SLC45A1: variants seen among roughly 807,000 people sequenced by gnomAD.
The protein encoded by SLC45A1 is proton-associated sugar transporter A.
A neutral mutation model predicts 57.6 loss-of-function variants in SLC45A1; 28 were observed. That is an observed-to-expected ratio of 0.49 (90% confidence interval 0.36 to 0.67). The LOEUF is 0.67. Among genes scored for constraint, SLC45A1 ranks in the 30% least tolerant of loss-of-function variants. The pLI, the probability that SLC45A1 is intolerant of heterozygous loss-of-function variation, is 0.00. For synonymous variants in SLC45A1, 459 were observed against 471.5 expected (o/e 0.97, Z 0.34); for missense variants, 814 against 1,041.5 (o/e 0.78, Z 3.01).
intron 8 of SLC45A1, among the ~76,000 whole-genome samples, chr1:8,342,422 C>G (rs1350554191): frequency 6.6e-6 from 1 of 152,182 alleles, no homozygotes. Flanking sequence ...CAGCCATCAC[C>G]CCTCTGACCC....
intron 1 of SLC45A1, among the ~76,000 whole-genome samples, chr1:8,321,617 G>A (rs1018632936): frequency 6.6e-6 from 1 of 152,166 alleles, no homozygotes; most frequent in Admixed American, 6.6e-5. Flanking sequence ...TTGGTACTCA[G>A]TACTCAGATG....
Position 8,324,484 on chromosome 1 carries a change from G to A in SLC45A1, c.155G>A (p.Arg52Lys), listed in dbSNP as rs748689313. The A allele has an allele frequency of 2.5e-6, 4 of 1,612,622 alleles. No individual in the cohort carries two copies. Among genetic ancestry groups the A allele is most frequent in the Non-Finnish European group, 3.4e-6 (4 of 1,179,874 alleles). ...AACAACTTCAAACGACACCCCAAGA[G>A]GAGGAAGTGCATTCGTCCCTCCCCA... Reference protein sequence around the residue: ...RANNFKRHPKRRKCIRPSPPP... With the variant: ...RANNFKRHPKKRKCIRPSPPP... Residue 52 changes from arginine (R) to lysine (K), a missense_variant, in exon 2 of 9, where the codon AGG becomes AAG. By Grantham distance (26) the Arg-to-Lys change is conservative (BLOSUM62 2). Transcript: ENST00000471889.
intron 8 of SLC45A1, 143 bp downstream of exon 8, chr1:8,339,841 G>C (rs991789899): frequency 1.3e-6 from 1 of 799,900 alleles, no homozygotes; most frequent in African/African-American, 1.7e-5. Flanking sequence ...AACCAAGGGG[G>C]GCCCTTCTGA....
rs147838960 is a variant in SLC45A1, at chr1:8,343,300, C to T, written c.1981-447C>T. ...AGTGACGTGCCCAAGCTGGAGGCCACGAGGACCTTGGAGCCTCGGACAGAG... is the reference window on the plus strand; with the variant it reads ...AGTGACGTGCCCAAGCTGGAGGCCATGAGGACCTTGGAGCCTCGGACAGAG... On this transcript the variant is annotated intron_variant, in intron 8 of 8. Coordinates refer to ENST00000471889, the MANE Select transcript of SLC45A1 (RefSeq NM_001080397.3). The surrounding 1 kb of genome is among the most constrained non-coding windows in gnomAD (Gnocchi z 7.7). 2.0e-3 allele frequency among the ~76,000 whole-genome samples: 306 copies of T among 152,322 alleles called. No homozygotes were observed. The highest frequency in any genetic ancestry group is 7.0e-3 in the African/African-American group (293 of 41,570).
chr1:8,329,059 T>A (rs961089595), intron 4 of SLC45A1, among the ~76,000 whole-genome samples: 2 of 151,918 alleles, frequency 1.3e-5, no homozygotes, highest in Admixed American at 1.3e-4. Flanking sequence ...GACTGGAGCT[T>A]TTGAATGGAC....
At chr1:8,322,445 T>G (rs1366217642) in intron 1 of SLC45A1, among the ~76,000 whole-genome samples, 1 of 151,508 alleles carries the variant, frequency 6.6e-6, no homozygotes, top group Non-Finnish European at 1.5e-5. Context: ...AATGAGTCAT[T>G]GGATTAACAC....
At chr1:8,322,005 G>GAGTGGGT (rs2124284990) in intron 1 of SLC45A1, among the ~76,000 whole-genome samples, 1 of 56,038 alleles carries the variant, frequency 1.8e-5, no homozygotes, top group Non-Finnish European at 3.8e-5. Flanking sequence ...ATGGATGGAT[G>GAGTGGGT]GATGGATGGA....
chr1:8,318,139 A>T lies in SLC45A1; in HGVS notation c.-72A>T. 1 of 462,730 alleles carries T rather than the reference A, an allele frequency of 2.2e-6. No individual in the cohort carries two copies. The highest frequency in any genetic ancestry group is 3.9e-6 in the Non-Finnish European group (1 of 254,032). 28.7% of individuals were successfully genotyped at this position (462,730 alleles called of 1,614,324 possible). On this transcript the variant is annotated 5_prime_UTR_variant, in exon 1 of 9. Coordinates refer to ENST00000471889, the MANE Select transcript of SLC45A1 (RefSeq NM_001080397.3). ...GCAGCAGCCGGGACCGCGGCCGGGC[A>T]GGCAGCAGCCCAGCGGGGACAGGGA...
In SLC45A1 at chr1:8,343,099, G is replaced by C. The variant is rs1299569495; in HGVS notation, c.1981-648G>C. Among the ~76,000 whole-genome samples the C allele has an allele frequency of 1.3e-5, 2 of 152,188 alleles. No individual in the cohort carries two copies. The highest frequency in any genetic ancestry group is 2.9e-5 in the Non-Finnish European group (2 of 68,016). On this transcript the variant is annotated intron_variant, in intron 8 of 8. Transcript: ENST00000471889. This position sits in a 1 kb window ranked among gnomAD's most constrained non-coding sequence, Gnocchi z 7.7. ...GCCCTTCTGATGGGGGGAAGCCGCA[G>C]GGGAGGCCCAGGCTCCCAGGTCACA...
rs193042745 is a variant in SLC45A1 at position 8,340,216 on chromosome 1, G to A, written c.1980+518G>A. Among the ~76,000 whole-genome samples, 113 of 148,620 alleles carry A rather than the reference G, an allele frequency of 7.6e-4. 1 individual carries two copies. The East Asian group carries it at 0.021, about 27-fold the overall frequency. On this transcript the variant is annotated intron_variant, in intron 8 of 8. Transcript: ENST00000471889. ...CTTGCTCTGATGCCTGTGCTGGAGT[G>A]TAGTGGTGCGATCTCGGCTCACTGC...
intron 7 of SLC45A1, 121 bp downstream of exon 7, chr1:8,338,113 C>T (rs930157430): frequency 8.7e-5 from 80 of 914,940 alleles, no homozygotes; most frequent in Admixed American, 1.8e-4. Flanking sequence ...ATTTGGGGGA[C>T]GCCACTGTCT....
chr1:8,342,909 A>AAG (rs1557571553), intron 8 of SLC45A1, among the ~76,000 whole-genome samples: 2 of 151,322 alleles, frequency 1.3e-5, no homozygotes. Context: ...AAAAAAAAAA[A>AAG]AAAGAAAAGA....
rs1569934839 is a variant in SLC45A1 at position 8,325,431 on chromosome 1, A to T, written c.490+41A>T. The stretch of plus-strand genomic sequence containing the variant: ...ATGGAAATAAAATGGAGAGGAAAAA[A>T]AAAAGGCCCCAACTGCTTCCTTTTA... On this transcript the variant is annotated intron_variant, in intron 3 of 8. Transcript: ENST00000471889. The surrounding 1 kb of genome is among the most constrained non-coding windows in gnomAD (Gnocchi z 6.3). 1 of 1,412,180 alleles carries T rather than the reference A, an allele frequency of 7.1e-7. No individual in the cohort carries two copies. Among genetic ancestry groups the T allele is most frequent in the South Asian group, 1.2e-5 (1 of 83,364 alleles). The allele number at this position is 1,412,180 out of a possible 1,614,324, so 87.5% of individuals were successfully genotyped here.
intron 7 of SLC45A1, among the ~76,000 whole-genome samples, chr1:8,338,600 T>C (rs919245911): frequency 1.3e-5 from 2 of 152,236 alleles, no homozygotes; most frequent in Non-Finnish European, 2.9e-5. Context: ...AGAGTTGGTA[T>C]TTCCGGCTTT....
At chr1:8,333,177 C>T (rs1317711317) in intron 5 of SLC45A1, among the ~76,000 whole-genome samples, 3 of 152,062 alleles carry the variant, frequency 2.0e-5, no homozygotes, top group Non-Finnish European at 4.4e-5. Flanking sequence ...TAGATGACTT[C>T]CCTGATTTAG....
At chr1:8,321,915 ATGGATGG>A (rs1640018929) in intron 1 of SLC45A1, among the ~76,000 whole-genome samples, 1 of 124,456 alleles carries the variant, frequency 8.0e-6, no homozygotes, top group Non-Finnish European at 1.7e-5. Flanking sequence ...GGATGGATGG[ATGGATGG>A]GTGGGTGGGT....
rs767300496 is a variant in SLC45A1 at position 8,324,651 on chromosome 1, G to A, written c.322G>A (p.Val108Met). Residue 108 changes from valine to methionine, a missense_variant, in exon 2 of 9, where the codon GTG (valine) becomes ATG (methionine). Val to Met is a conservative substitution (Grantham distance 21). Coordinates refer to ENST00000471889, the MANE Select transcript of SLC45A1 (RefSeq NM_001080397.3). ...CAGCTACGCCATGGAGACGGCGTAC[G>A]TGACCCCGGTGCTCCTGCAGATGGG... ...EFSYAMETAY[V>M]TPVLLQMGLP... 3.7e-6 allele frequency: 6 copies of A among 1,601,484 alleles called. No homozygotes were observed. The highest frequency in any genetic ancestry group is 4.5e-5 in the East Asian group (2 of 44,174).
chr1:8,339,688 A>G lies in SLC45A1; in HGVS notation c.1970A>G (p.Gln657Arg). The change falls in exon 8 of 9, where the codon CAG becomes CGG. Residue 657 changes from glutamine (Q) to arginine (R), a missense_variant. By Grantham distance (43) the Gln-to-Arg change is conservative. Coordinates refer to ENST00000471889, the MANE Select transcript of SLC45A1 (RefSeq NM_001080397.3). ...LPYSLLCDYYQSKKFAGSSAD... is the reference protein window; with the variant it reads ...LPYSLLCDYYRSKKFAGSSAD... Reference sequence around the variant, plus strand: ...TACTCGCTGCTCTGCGATTACTATCAGAGTAAGAAGGTAAGTGCTCTCCCT... The same window carrying G: ...TACTCGCTGCTCTGCGATTACTATCGGAGTAAGAAGGTAAGTGCTCTCCCT... 6.2e-7 allele frequency: 1 copy of G among 1,614,038 alleles called. No homozygotes were observed. The highest frequency in any genetic ancestry group is 8.5e-7 in the Non-Finnish European group (1 of 1,179,878).
chr1:8,328,614 G>A lies in SLC45A1; in HGVS notation c.716-1595G>A, dbSNP rs771332936. On this transcript the variant is annotated intron_variant, in intron 4 of 8. Coordinates refer to ENST00000471889, the MANE Select transcript of SLC45A1 (RefSeq NM_001080397.3). The surrounding 1 kb of genome is among the most constrained non-coding windows in gnomAD (Gnocchi z 4.6). ...AGCACTTTGGGAGACCAAGGCAGGCGGATCACCTGAGGTCAGGAGTTCAAG... is the reference window on the plus strand; with the variant it reads ...AGCACTTTGGGAGACCAAGGCAGGCAGATCACCTGAGGTCAGGAGTTCAAG... Among the ~76,000 whole-genome samples the A allele has an allele frequency of 6.6e-5, 10 of 152,174 alleles. No homozygotes were observed. The highest frequency in any genetic ancestry group is 1.3e-4 in the Admixed American group (2 of 15,282).
Sources: gnomAD v4.1 joint callset for allele counts (sites outside exome capture counted in the v4.1 genomes callset) on GRCh38, gnomAD v4.1.1 for gene constraint, Gnocchi (gnomAD v3.1) non-coding constraint, MANE v1.5 for transcripts, NCBI Gene and HGNC (gene_info 2026-07-23, HGNC 2026-07-21) for gene names.